Variants in UGT1A3 observed in about 807,000 individuals in gnomAD.
UGT1A3 encodes the protein UDP glucuronosyltransferase family 1 member A3.
In UGT1A3, 31 loss-of-function variants were observed where a neutral mutation model predicts 41.0. That is an observed-to-expected ratio of 0.76 (90% CI 0.57 to 1.02). The LOEUF (loss-of-function observed/expected upper bound fraction) is 1.02. UGT1A3 is among the 50% of genes least tolerant of loss of function. The pLI is 0.00. For missense variants in UGT1A3, 737 were observed against 671.0 expected (o/e 1.10, Z -1.09); for synonymous variants, 262 against 257.6 (o/e 1.02, Z -0.17).
At chr2:233,746,950 G>T (rs1693515132) in intron 1 of UGT1A3, among the ~76,000 whole-genome samples, 1 of 151,804 alleles carries the variant, frequency 6.6e-6, no homozygotes. Context: ...AGAAACAAGA[G>T]CTTGAACTTG....
intron 1 of UGT1A3, among the ~76,000 whole-genome samples, chr2:233,766,243 G>T (rs1253047551): frequency 1.3e-5 from 2 of 152,008 alleles, no homozygotes; most frequent in Non-Finnish European, 2.9e-5. Flanking sequence ...GTTTCCCCTG[G>T]AGTCAGACCG....
intron 4 of UGT1A3, among the ~76,000 whole-genome samples, chr2:233,768,726 G>T (rs929247208): frequency 2.6e-5 from 4 of 151,498 alleles, no homozygotes; most frequent in Non-Finnish European, 5.9e-5. Flanking sequence ...GGGATTACAG[G>T]TGTCCACCAC....
At chr2:233,731,438 C>G (rs1329766124) in intron 1 of UGT1A3, among the ~76,000 whole-genome samples, 1 of 152,078 alleles carries the variant, frequency 6.6e-6, no homozygotes, top group African/African-American at 2.4e-5. Context: ...CTCCCCCAGT[C>G]CCCCACCCCA....
intron 1 of UGT1A3, among the ~76,000 whole-genome samples, chr2:233,739,207 A>C (rs1231996785): frequency 6.6e-6 from 1 of 152,240 alleles, no homozygotes; most frequent in African/African-American, 2.4e-5. Context: ...CGTTTGCTGC[A>C]TGGATAGAGT....
At chr2:233,754,258 T>C in intron 1 of UGT1A3, 1 of 170,430 alleles carries the variant, frequency 5.9e-6, no homozygotes, top group Middle Eastern at 2.9e-3. Context: ...CGGAAAAAGG[T>C]AAGGCTCAAA....
At chr2:233,737,942 T>G (rs866502344) in intron 1 of UGT1A3, among the ~76,000 whole-genome samples, 1 of 152,150 alleles carries the variant, frequency 6.6e-6, no homozygotes, top group Non-Finnish European at 1.5e-5. Flanking sequence ...GTCCATTGAC[T>G]GTTTCCCAAC....
At chr2:233,772,226 G>C (rs1559419626) in intron 4 of UGT1A3, 36 bp from the exon 5 acceptor site, 2 of 1,613,458 alleles carry the variant, frequency 1.2e-6, no homozygotes, top group Non-Finnish European at 1.7e-6. Context: ...CATACCACAG[G>C]TGTTCCAGGC....
intron 1 of UGT1A3, among the ~76,000 whole-genome samples, chr2:233,766,662 C>T (rs911110190): frequency 3.9e-5 from 6 of 152,180 alleles, no homozygotes; most frequent in Non-Finnish European, 8.8e-5. Flanking sequence ...GGACCACGCC[C>T]TTCCCAGCTC....
intron 1 of UGT1A3, among the ~76,000 whole-genome samples, chr2:233,731,871 C>T (rs542174312): frequency 1.3e-5 from 2 of 152,330 alleles, no homozygotes; most frequent in South Asian, 4.1e-4. Flanking sequence ...CTGTCTTCCA[C>T]AATGGTTGAA....
At chr2:233,768,773 A>T (rs1302611596) in intron 4 of UGT1A3, among the ~76,000 whole-genome samples, 2 of 151,734 alleles carry the variant, frequency 1.3e-5, no homozygotes, top group Non-Finnish European at 2.9e-5. Context: ...TAGTAGAGAA[A>T]GGGTTTCACC....
At chr2:233,763,911 C>G (rs1698426001) in intron 1 of UGT1A3, among the ~76,000 whole-genome samples, 2 of 152,076 alleles carry the variant, frequency 1.3e-5, no homozygotes, top group Admixed American at 1.3e-4. Context: ...TAGTGAGGAC[C>G]AAGGCTTCGA....
At chr2:233,765,830 A>G (rs929596) in intron 1 of UGT1A3, among the ~76,000 whole-genome samples, 48,017 of 151,854 alleles carry the variant, frequency 0.32, 7,975 homozygotes, top group African/African-American at 0.41. Flanking sequence ...GAAACAGGAA[A>G]ACTTTCCTTG....
At position 233,738,235 on chromosome 2, in the gene UGT1A3, C is replaced by G. The variant is rs190187890; in HGVS notation, c.867+8242C>G. 1.4e-4 allele frequency among the ~76,000 whole-genome samples: 21 copies of G among 152,332 alleles called. No individual in the cohort carries two copies. In the East Asian group the frequency reaches 3.3e-3, roughly 24 times the overall value. ...GGATTATAAGTTTCCTGAGGCCCCTCCAGCCACATGGAACTGGAGTCAATT... is the reference window on the plus strand; with the variant it reads ...GGATTATAAGTTTCCTGAGGCCCCTGCAGCCACATGGAACTGGAGTCAATT... On this transcript the variant is annotated intron_variant, in intron 1 of 4. Coordinates refer to ENST00000482026, the MANE Select transcript of UGT1A3 (RefSeq NM_019093.4).
intron 1 of UGT1A3, among the ~76,000 whole-genome samples, chr2:233,758,422 T>G (rs1696873705): frequency 6.6e-6 from 1 of 152,238 alleles, no homozygotes; most frequent in South Asian, 2.1e-4. Flanking sequence ...AATCTGCAAA[T>G]GAACTCACAC....
At chr2:233,736,495 T>A (rs1388265552) in intron 1 of UGT1A3, among the ~76,000 whole-genome samples, 4 of 152,228 alleles carry the variant, frequency 2.6e-5, no homozygotes, top group Admixed American at 2.6e-4. Context: ...CTACCAAACT[T>A]CTGAAGCCTA....
At chr2:233,732,144 T>G (rs1266752790) in intron 1 of UGT1A3, among the ~76,000 whole-genome samples, 4 of 152,136 alleles carry the variant, frequency 2.6e-5, no homozygotes, top group Admixed American at 2.0e-4. Context: ...TTGTTTGTTT[T>G]TTTTCTTGTA....
At chr2:233,765,388 A>G (rs776122608) in intron 1 of UGT1A3, among the ~76,000 whole-genome samples, 14 of 152,254 alleles carry the variant, frequency 9.2e-5, no homozygotes, top group Non-Finnish European at 1.5e-4. Flanking sequence ...TGGATAAAGA[A>G]AATGTGGTAC....
intron 1 of UGT1A3, chr2:233,754,930 G>A (rs1387383656): frequency 5.9e-6 from 8 of 1,344,668 alleles, no homozygotes; most frequent in Non-Finnish European, 8.0e-6. Flanking sequence ...TTTCCCAAGA[G>A]GTCAAAGGAG....
chr2:233,755,026 G>T, intron 1 of UGT1A3: 1 of 1,306,986 alleles, frequency 7.7e-7, no homozygotes, highest in South Asian at 1.2e-5. Context: ...TCCTTGAAGG[G>T]CCTGCCGCCT....
Sources: allele counts gnomAD v4.1 joint callset (sites outside exome capture counted in the v4.1 genomes callset), GRCh38; gene constraint gnomAD v4.1.1; transcripts MANE v1.5; gene names NCBI Gene and HGNC (gene_info 2026-07-23, HGNC 2026-07-21).